Variants in TENM4 observed in about 807,000 individuals in gnomAD.
TENM4 encodes the protein teneurin-4.
Under a neutral mutation model 243.3 loss-of-function variants are expected in TENM4, and 82 were observed. That is an observed-to-expected ratio of 0.34 (90% confidence interval 0.28 to 0.40). The LOEUF (loss-of-function observed/expected upper bound fraction) is 0.40. Ranked by LOEUF, TENM4 falls within the 10% of genes least tolerant of loss-of-function variation. TENM4 has a pLI of 1.00. For missense variants in TENM4, 3,138 were observed against 3,673.3 expected (o/e 0.85, Z 3.77); for synonymous variants, 1,412 against 1,456.3 (o/e 0.97, Z 0.69).
At chr11:78,723,414 C>T (rs76947186) in intron 23 of TENM4, among the ~76,000 whole-genome samples, 1,805 of 152,346 alleles carry the variant, frequency 0.012, 19 homozygotes, top group Non-Finnish European at 0.017. Context: ...CAGTGCTTAG[C>T]GCAGAGCTTG....
intron 4 of TENM4, among the ~76,000 whole-genome samples, chr11:79,128,905 G>A (rs1313788439): frequency 4.6e-5 from 7 of 152,218 alleles, no homozygotes; most frequent in Middle Eastern, 3.2e-3. Flanking sequence ...GGACAGAGCA[G>A]TATGCAGAGG....
chr11:79,207,600 C>T (rs1341847574), intron 3 of TENM4, among the ~76,000 whole-genome samples: 2 of 152,014 alleles, frequency 1.3e-5, no homozygotes, highest in African/African-American at 4.8e-5. Flanking sequence ...TGTGGTGGCT[C>T]ACACCTGTAA....
intron 3 of TENM4, among the ~76,000 whole-genome samples, chr11:79,156,924 C>T (rs1862633141): frequency 6.6e-6 from 1 of 152,144 alleles, no homozygotes; most frequent in South Asian, 2.1e-4. Flanking sequence ...CAAAGGCTGA[C>T]AATGTGATCA....
chr11:78,828,895 T>C (rs1201751814), intron 12 of TENM4, among the ~76,000 whole-genome samples: 1 of 152,234 alleles, frequency 6.6e-6, no homozygotes, highest in African/African-American at 2.4e-5. Context: ...ATAATACAAA[T>C]GTTAGCTCCA....
rs1392680211 is a variant in TENM4, at chr11:78,903,409, C to T, written c.608G>A (p.Gly203Asp). ...GGGGTTGCTCCTCGGCGTGAAGTTG[C>T]CCCGGTTCAGGGAGTTAATGGAGGC... Reference protein sequence around the residue: ...HAASINSLNRGNFTPRSNPSP... With the variant: ...HAASINSLNRDNFTPRSNPSP... Residue 203 changes from glycine (G) to aspartate (D), a missense_variant, in exon 7 of 34, where the codon GGC (glycine) becomes GAC (aspartate). Gly to Asp is a moderately conservative substitution (Grantham distance 94). Transcript: ENST00000278550. 7.1e-6 allele frequency: 11 copies of T among 1,539,472 alleles called. No homozygotes were observed. Among genetic ancestry groups the T allele is most frequent in the Admixed American group, 6.1e-5 (3 of 49,278 alleles).
rs751494914 is a variant in TENM4 at position 78,658,694 on chromosome 11, C to T, written c.7674G>A (p.Lys2558=). 1.9e-6 allele frequency: 3 copies of T among 1,614,016 alleles called. No individual in the cohort carries two copies. The highest frequency in any genetic ancestry group is 2.5e-6 in the Non-Finnish European group (3 of 1,179,898). The change falls in exon 34 of 34, where the codon AAG becomes AAA. Residue 2558 remains lysine (K), a synonymous_variant. Coordinates refer to ENST00000278550, the MANE Select transcript of TENM4 (RefSeq NM_001098816.3). The part of the protein sequence containing the change: ...TSCQQAPKTK[K]FASSGSVFGK... Reference sequence around the variant, plus strand: ...CAAAGACTGAGCCGCTGGATGCAAACTTCTTGGTCTTTGGAGCCTGCTGGC... The same window carrying T: ...CAAAGACTGAGCCGCTGGATGCAAATTTCTTGGTCTTTGGAGCCTGCTGGC...
At chr11:78,795,108 A>G (rs1857136755) in intron 15 of TENM4, among the ~76,000 whole-genome samples, 1 of 152,182 alleles carries the variant, frequency 6.6e-6, no homozygotes, top group Non-Finnish European at 1.5e-5. Context: ...TCAAATCTAA[A>G]TGTGCTTTGA....
At chr11:79,376,608 G>A (rs1857895995) in intron 1 of TENM4, among the ~76,000 whole-genome samples, 1 of 151,452 alleles carries the variant, frequency 6.6e-6, no homozygotes, top group Non-Finnish European at 1.5e-5. Context: ...CAGAATATCT[G>A]CTCAATAACT....
intron 12 of TENM4, among the ~76,000 whole-genome samples, chr11:78,847,410 C>T (rs1168283593): frequency 1.3e-5 from 2 of 152,214 alleles, no homozygotes; most frequent in African/African-American, 4.8e-5. Flanking sequence ...GAGCCCTGCC[C>T]TTCAGTGAGC....
intron 4 of TENM4, among the ~76,000 whole-genome samples, chr11:79,109,307 G>T (rs1861447372): frequency 6.6e-6 from 1 of 152,158 alleles, no homozygotes; most frequent in Non-Finnish European, 1.5e-5. Flanking sequence ...AGCACCCTTG[G>T]AGGGCTTGGT....
chr11:79,081,672 A>T (rs1411869577), intron 4 of TENM4, among the ~76,000 whole-genome samples: 2 of 152,062 alleles, frequency 1.3e-5, no homozygotes, highest in Non-Finnish European at 2.9e-5. Context: ...CTGGGGATGG[A>T]ACTGGATCAA....
In TENM4 at chr11:78,670,033, G is replaced by T; in HGVS notation, c.6312C>A (p.Pro2104=). 6.2e-7 allele frequency: 1 copy of T among 1,613,932 alleles called. No individual in the cohort carries two copies. Residue 2104 remains proline, a synonymous_variant, in exon 32 of 34, where the codon CCC becomes CCA. Coordinates refer to ENST00000278550, the MANE Select transcript of TENM4 (RefSeq NM_001098816.3). ...MQAVINETPL[P]IDLYRYDDVS... ...CATCATCATAGCGATAGAGATCAAT[G>T]GGCAGTGGGGTCTCGTTGATCACAG...
At chr11:78,977,742 T>G (rs1319925947) in intron 6 of TENM4, among the ~76,000 whole-genome samples, 1 of 151,738 alleles carries the variant, frequency 6.6e-6, no homozygotes, top group Non-Finnish European at 1.5e-5. Flanking sequence ...AGGAAGGCTT[T>G]TACACTGTTG....
chr11:79,415,347 G>A (rs754769973), intron 1 of TENM4, among the ~76,000 whole-genome samples: 48 of 152,162 alleles, frequency 3.2e-4, no homozygotes, highest in African/African-American at 8.9e-4. Context: ...GTTGACTCAC[G>A]TGAATTTTCA....
intron 6 of TENM4, among the ~76,000 whole-genome samples, chr11:78,910,735 T>C (rs1049064853): frequency 1.3e-5 from 2 of 152,236 alleles, no homozygotes; most frequent in Non-Finnish European, 2.9e-5. Flanking sequence ...ACCACCAGTC[T>C]GAACATGAGG....
At chr11:78,720,248 A>G (rs965115533) in intron 25 of TENM4, 122 bp downstream of exon 25, 3 of 1,160,112 alleles carry the variant, frequency 2.6e-6, no homozygotes, top group African/African-American at 1.5e-5. Flanking sequence ...GATTACCCCA[A>G]TCAGTTCCAA....
chr11:78,847,357 A>G (rs1276727969), intron 12 of TENM4, among the ~76,000 whole-genome samples: 1 of 152,258 alleles, frequency 6.6e-6, no homozygotes, highest in African/African-American at 2.4e-5. Context: ...ATCGAAGGTA[A>G]GATCCCAAGG....
intron 12 of TENM4, among the ~76,000 whole-genome samples, chr11:78,832,296 G>C (rs867113715): frequency 6.6e-4 from 101 of 152,228 alleles, no homozygotes; most frequent in African/African-American, 2.0e-3. Flanking sequence ...AATTCACCTT[G>C]TGCCATATAG....
At chr11:79,401,679 T>C (rs1858464998) in intron 1 of TENM4, among the ~76,000 whole-genome samples, 1 of 152,200 alleles carries the variant, frequency 6.6e-6, no homozygotes, top group Admixed American at 6.5e-5. Flanking sequence ...TTTGATAGGC[T>C]CCCCAGTTTA....
Sources: allele counts gnomAD v4.1 joint callset (sites outside exome capture counted in the v4.1 genomes callset), GRCh38; gene constraint gnomAD v4.1.1; transcripts MANE v1.5; gene names NCBI Gene and HGNC (gene_info 2026-07-23, HGNC 2026-07-21).